SCARF1: variants seen among roughly 807,000 people sequenced by gnomAD.
SCARF1 encodes scavenger receptor class F member 1, also known as acetyl LDL receptor.
Under a neutral mutation model 76.3 loss-of-function variants are expected in SCARF1, and 49 were observed. The ratio of observed to expected loss-of-function variants is 0.64; its 90% CI spans 0.51 to 0.81. SCARF1 has a LOEUF of 0.81. Among genes scored for constraint, SCARF1 ranks in the 40% least tolerant of loss-of-function variants. SCARF1 has a pLI of 0.00. For missense variants in SCARF1, 1,098 were observed against 1,143.9 expected (o/e 0.96, Z 0.58); for synonymous variants, 495 against 474.6 (o/e 1.04, Z -0.56).
Position 1,643,453 on chromosome 17 carries a change from C to T in SCARF1, c.780G>A (p.Gln260=). Residue 260 remains glutamine (Q), a synonymous_variant, in exon 4 of 11, where the codon CAG becomes CAA. Coordinates refer to ENST00000263071, the MANE Select transcript of SCARF1 (RefSeq NM_003693.4). Reference sequence around the variant, plus strand: ...CCCCGCCCGCTCACCTGTGTGCGCACTGCACCCCGTGGCTGCCTGCCGGGC... The same window carrying T: ...CCCCGCCCGCTCACCTGTGTGCGCATTGCACCCCGTGGCTGCCTGCCGGGC... ...LPCPAGSHGV[Q]CAHSCGRCKH... The T allele has an allele frequency of 7.8e-7, 1 of 1,286,666 alleles. No individual in the cohort carries two copies. Among genetic ancestry groups the T allele is most frequent in the Non-Finnish European group, 9.8e-7 (1 of 1,021,372 alleles). 79.7% of individuals were successfully genotyped at this position (1,286,666 alleles called of 1,614,324 possible).
chr17:1,636,624 A>G, intron 10 of SCARF1, 85 bp downstream of exon 10: 1 of 1,490,116 alleles, frequency 6.7e-7, no homozygotes, highest in Non-Finnish European at 9.1e-7. Context: ...AAAAAAATAA[A>G]AATAAATAAC....
Position 1,634,662 on chromosome 17 carries a change from G to C in SCARF1, c.*96C>G. The C allele has an allele frequency of 2.1e-6, 3 of 1,458,840 alleles. No homozygotes were observed. Among genetic ancestry groups the C allele is most frequent in the South Asian group, 1.5e-5 (1 of 65,070 alleles). 90.4% of individuals were successfully genotyped at this position (1,458,840 alleles called of 1,614,324 possible). A position where few individuals can be genotyped will look rare whatever the true frequency, so the allele number is the denominator to read the frequency against. On this transcript the variant is annotated 3_prime_UTR_variant, in exon 11 of 11. Transcript: ENST00000263071. ...CTTGCCTTTTCCCTGTGGAGGCGCA[G>C]AGGCTCTGGTTTGTCTGTCCTGGCC...
chr17:1,642,375 C>CATGTGA (rs1910130416), intron 4 of SCARF1, among the ~76,000 whole-genome samples: 1 of 136,872 alleles, frequency 7.3e-6, no homozygotes, highest in African/African-American at 2.7e-5. Flanking sequence ...TGATATTCCC[C>CATGTGA]TTCCTGTGTC....
In SCARF1 at chr17:1,636,139, C is replaced by T. The variant is rs544624955; in HGVS notation, c.1634-522G>A. Reference sequence around the variant, plus strand: ...GACTCGACTGGGATGCCACACACATCGTCCCTGACCCCAGTCACCCCAACA... The same window carrying T: ...GACTCGACTGGGATGCCACACACATTGTCCCTGACCCCAGTCACCCCAACA... On this transcript the variant is annotated intron_variant, in intron 10 of 10. Coordinates refer to ENST00000263071, the MANE Select transcript of SCARF1 (RefSeq NM_003693.4). 1.1e-4 allele frequency among the ~76,000 whole-genome samples: 16 copies of T among 152,294 alleles called. No individual in the cohort carries two copies. The East Asian group carries it at 2.7e-3, about 26-fold the overall frequency.
At chr17:1,637,342 A>G (rs1277772374) in intron 8 of SCARF1, among the ~76,000 whole-genome samples, 1 of 148,618 alleles carries the variant, frequency 6.7e-6, no homozygotes, top group African/African-American at 2.5e-5. Context: ...CTATCTATCT[A>G]TCTATCTATC....
chr17:1,641,814 C>T (rs1298778115), intron 4 of SCARF1, among the ~76,000 whole-genome samples: 1 of 152,184 alleles, frequency 6.6e-6, no homozygotes, highest in African/African-American at 2.4e-5. Context: ...CTCCGCCTCC[C>T]GGGTTCAAGT....
In SCARF1 at chr17:1,645,681, A is replaced by G. The variant is rs1251601278; in HGVS notation, c.17T>C (p.Leu6Pro). 6.2e-7 allele frequency: 1 copy of G among 1,605,888 alleles called. No individual in the cohort carries two copies. The change falls in exon 1 of 11, where the codon CTG becomes CCG. Residue 6 changes from leucine (L) to proline (P), a missense_variant. Leu to Pro is a moderately conservative substitution (Grantham distance 98, BLOSUM62 -3). Transcript: ENST00000263071. The surrounding 1 kb of genome is among the most constrained non-coding windows in gnomAD (Gnocchi z 6.3). MGLGL[L>P]LPLLLLWTRG... ...AGTCCAGAGCAGCAGCAGCGGGAGCAGCAGCCCCAGCCCCATGGCAGGCAG... is the reference window on the plus strand; with the variant it reads ...AGTCCAGAGCAGCAGCAGCGGGAGCGGCAGCCCCAGCCCCATGGCAGGCAG...
intron 4 of SCARF1, 169 bp downstream of exon 4, chr17:1,643,273 C>CCGCCCCGCCCACCGGCGT (rs1567666205): frequency 5.1e-5 from 2 of 39,244 alleles, no homozygotes; most frequent in African/African-American, 7.1e-4. Flanking sequence ...CCCACCGGTG[C>CCGCCCCGCCCACCGGCGT]CCGCCCCGCC....
rs1428266647 is a variant in SCARF1, at chr17:1,644,753, G to A, written c.265+81C>T. 1.5e-6 allele frequency: 2 copies of A among 1,355,230 alleles called. No individual in the cohort carries two copies. Among genetic ancestry groups the A allele is most frequent in the Admixed American group, 3.9e-5 (2 of 50,708 alleles). The allele number at this position is 1,355,230 out of a possible 1,614,324, so 84.0% of individuals were successfully genotyped here. On this transcript the variant is annotated intron_variant, in intron 3 of 10. Transcript: ENST00000263071. The surrounding 1 kb of genome is among the most constrained non-coding windows in gnomAD (Gnocchi z 4.8). Reference sequence around the variant, plus strand: ...GGCCCTGCTGTCCTGAGGCTGCATGGCTACCTGCCTCGCCTGCTCCCACAC... The same window carrying A: ...GGCCCTGCTGTCCTGAGGCTGCATGACTACCTGCCTCGCCTGCTCCCACAC...
At chr17:1,641,585 T>TA (rs1256108388) in intron 4 of SCARF1, among the ~76,000 whole-genome samples, 1 of 152,246 alleles carries the variant, frequency 6.6e-6, no homozygotes, top group Non-Finnish European at 1.5e-5. Flanking sequence ...GCCTAATAGT[T>TA]ACCTGAAGTT....
rs550950486 is a variant in SCARF1, at chr17:1,640,403, C to T, written c.1010+45G>A. On this transcript the variant is annotated intron_variant, in intron 5 of 10. Transcript: ENST00000263071. The surrounding 1 kb of genome is among the most constrained non-coding windows in gnomAD (Gnocchi z 4.7). Reference sequence around the variant, plus strand: ...CGGAGAGAGCCGCTGAGCTGAGGGTCCTGGGGGAAGGTGTACCCCACCCTG... The same window carrying T: ...CGGAGAGAGCCGCTGAGCTGAGGGTTCTGGGGGAAGGTGTACCCCACCCTG... 4.0e-6 allele frequency: 6 copies of T among 1,500,682 alleles called. No homozygotes were observed. The East Asian group carries it at 1.5e-4, about 37-fold the overall frequency. The allele number at this position is 1,500,682 out of a possible 1,614,324, so 93.0% of individuals were successfully genotyped here. A position where few individuals can be genotyped will look rare whatever the true frequency, so the allele number is the denominator to read the frequency against.
intron 7 of SCARF1, 30 bp from the exon 8 acceptor site, chr17:1,638,956 G>A: frequency 6.4e-7 from 1 of 1,559,272 alleles, no homozygotes; most frequent in Non-Finnish European, 8.7e-7. Context: ...GGGATATTCA[G>A]GCCTTCCTGT....
At position 1,635,636 on chromosome 17, in the gene SCARF1, G is replaced by C. The variant is rs371692773; in HGVS notation, c.1634-19C>G. 3 of 1,591,466 alleles carry C rather than the reference G, an allele frequency of 1.9e-6. No homozygotes were observed. Among genetic ancestry groups the C allele is most frequent in the African/African-American group, 1.3e-5 (1 of 74,744 alleles). On this transcript the variant is annotated intron_variant, in intron 10 of 10. Transcript: ENST00000263071. ...ACCATCCCTGGCAGAGGAGACAGAAGAGCTTGGCTGGAGCTGAACTGGCCA... is the reference window on the plus strand; with the variant it reads ...ACCATCCCTGGCAGAGGAGACAGAACAGCTTGGCTGGAGCTGAACTGGCCA...
rs932705440 is a variant in SCARF1, at chr17:1,643,415, C to G, written c.791+27G>C. The G allele has an allele frequency of 2.5e-6, 3 of 1,187,822 alleles. No homozygotes were observed. In the African/African-American group the frequency reaches 5.2e-5, roughly 21 times the overall value. 73.6% of individuals were successfully genotyped at this position (1,187,822 alleles called of 1,614,324 possible). ...TTGTGTCCGCCCCCGCCCCGCCAGC[C>G]CACCTGTCCCCGCCCCGCCCGCTCA... On this transcript the variant is annotated intron_variant, in intron 4 of 10. Coordinates refer to ENST00000263071, the MANE Select transcript of SCARF1 (RefSeq NM_003693.4).
Position 1,634,540 on chromosome 17 carries a change from C to A in SCARF1, c.*218G>T. On this transcript the variant is annotated 3_prime_UTR_variant, in exon 11 of 11. Coordinates refer to ENST00000263071, the MANE Select transcript of SCARF1 (RefSeq NM_003693.4). ...ACAGCAGAGCAAAAGTCCCTGCAGG[C>A]AACCCTTCCTGACCCCATCCTACAG... is the stretch of plus-strand genomic sequence containing the variant. 2.1e-6 allele frequency: 1 copy of A among 483,990 alleles called. No homozygotes were observed. Among genetic ancestry groups the A allele is most frequent in the South Asian group, 5.4e-5 (1 of 18,642 alleles). The allele number at this position is 483,990 out of a possible 1,614,324, so 30.0% of individuals were successfully genotyped here.
Position 1,645,465 on chromosome 17 carries a change from T to G in SCARF1, c.101+132A>C. On this transcript the variant is annotated intron_variant, in intron 1 of 10. Coordinates refer to ENST00000263071, the MANE Select transcript of SCARF1 (RefSeq NM_003693.4). The surrounding 1 kb of genome is among the most constrained non-coding windows in gnomAD (Gnocchi z 6.3). ...CTGCCAGACCGCCATCAGCAGTCCC[T>G]TCCTTTCAGCCTAAGCCCCCTTCCT... The G allele has an allele frequency of 6.6e-7, 1 of 1,524,422 alleles. No homozygotes were observed. The highest frequency in any genetic ancestry group is 1.2e-5 in the South Asian group (1 of 83,758). The allele number at this position is 1,524,422 out of a possible 1,614,324, so 94.4% of individuals were successfully genotyped here. A position where few individuals can be genotyped will look rare whatever the true frequency, so the allele number is the denominator to read the frequency against.
chr17:1,635,528 C>T lies in SCARF1; in HGVS notation c.1723G>A (p.Ala575Thr), dbSNP rs1411828804. 21 of 1,613,606 alleles carry T rather than the reference C, an allele frequency of 1.3e-5. No individual in the cohort carries two copies. The highest frequency in any genetic ancestry group is 1.6e-4 in the Middle Eastern group (1 of 6,062). The change falls in exon 11 of 11, where the codon GCC becomes ACC. Residue 575 changes from alanine to threonine, a missense_variant. Transcript: ENST00000263071. ...PPPEDASTPFAIPRTSSLARA... is the reference protein window; with the variant it reads ...PPPEDASTPFTIPRTSSLARA... Reference sequence around the variant, plus strand: ...GCTAGGCTGGAGGTGCGCGGGATGGCGAATGGCGTGGAGGCGTCCTCAGGG... The same window carrying T: ...GCTAGGCTGGAGGTGCGCGGGATGGTGAATGGCGTGGAGGCGTCCTCAGGG...
At position 1,639,353 on chromosome 17, in the gene SCARF1, A is replaced by C. The variant is rs577989617; in HGVS notation, c.1243+286T>G. 3.9e-5 allele frequency among the ~76,000 whole-genome samples: 6 copies of C among 152,194 alleles called. No homozygotes were observed. The South Asian group carries it at 1.2e-3, about 32-fold the overall frequency. ...AAACCCTGTCTCTACTAAAATATAA[A>C]AATTAGCCAGGCATGGAGGCGTGCG... On this transcript the variant is annotated intron_variant, in intron 7 of 10. Transcript: ENST00000263071.
Position 1,640,735 on chromosome 17 carries a change from T to C in SCARF1, c.792-69A>G. Reference sequence around the variant, plus strand: ...TGGAGCGCCCACCCCCTCCTACCCCTGTACTCCACGCAGGCCTTCGGGGGC... The same window carrying C: ...TGGAGCGCCCACCCCCTCCTACCCCCGTACTCCACGCAGGCCTTCGGGGGC... On this transcript the variant is annotated intron_variant, in intron 4 of 10. Coordinates refer to ENST00000263071, the MANE Select transcript of SCARF1 (RefSeq NM_003693.4). This position sits in a 1 kb window ranked among gnomAD's most constrained non-coding sequence, Gnocchi z 4.7. 6.9e-7 allele frequency: 1 copy of C among 1,452,874 alleles called. No individual in the cohort carries two copies. Among genetic ancestry groups the C allele is most frequent in the South Asian group, 1.2e-5 (1 of 83,590 alleles). 90.0% of individuals were successfully genotyped at this position (1,452,874 alleles called of 1,614,324 possible).
Sources: allele counts gnomAD v4.1 joint callset (sites outside exome capture counted in the v4.1 genomes callset), GRCh38; gene constraint gnomAD v4.1.1; non-coding constraint Gnocchi (gnomAD v3.1); transcripts MANE v1.5; gene names NCBI Gene and HGNC (gene_info 2026-07-23, HGNC 2026-07-21).